The following CACNA1G variants were observed in gnomAD, a reference collection of about 807,000 sequenced individuals.
The protein encoded by CACNA1G is voltage-dependent T-type calcium channel subunit alpha-1G.
A neutral mutation model predicts 219.4 loss-of-function variants in CACNA1G; 67 were observed. That is an observed-to-expected ratio of 0.31 (90% CI 0.25 to 0.37). The LOEUF (loss-of-function observed/expected upper bound fraction) is 0.37. Among genes scored for constraint, CACNA1G ranks in the 10% least tolerant of loss-of-function variants. CACNA1G has a pLI of 1.00. For synonymous variants in CACNA1G, 1,296 were observed against 1,345.3 expected (o/e 0.96, Z 0.80); for missense variants, 2,380 against 3,231.4 (o/e 0.74, Z 6.39).
chr17:50,562,120 T>TGGTGGGGGGTGGGTGGGGGC (rs1261696216), intron 1 of CACNA1G: 1 of 5,256 alleles, frequency 1.9e-4, no homozygotes, highest in Non-Finnish European at 3.7e-4. Flanking sequence ...TTTCCGAGTT[T>TGGTGGGGGGTGGGTGGGGGC]GGTGGGGGGT....
At chr17:50,586,800 A>G (rs542645692) in intron 9 of CACNA1G, among the ~76,000 whole-genome samples, 1 of 152,332 alleles carries the variant, frequency 6.6e-6, no homozygotes, top group African/African-American at 2.4e-5. Context: ...GGGCTAGTTG[A>G]TGGAGCAGCT....
intron 4 of CACNA1G, among the ~76,000 whole-genome samples, chr17:50,570,072 A>G (rs2039018958): frequency 1.3e-5 from 2 of 152,144 alleles, no homozygotes; most frequent in Non-Finnish European, 2.9e-5. Flanking sequence ...CTTCAGCTAG[A>G]TGACCACTCC....
At chr17:50,611,210 C>T (rs1048890578) in intron 26 of CACNA1G, among the ~76,000 whole-genome samples, 38 of 148,694 alleles carry the variant, frequency 2.6e-4, no homozygotes, top group African/African-American at 7.5e-4. Flanking sequence ...GCCGAGATCA[C>T]GCCACTGCAC....
Position 50,626,065 on chromosome 17 carries a change from GA to G in CACNA1G, c.6450del (p.Asp2151ThrfsTer6). ...GGACGTTCAGGGTCTGGGCAGCCGG[GA>G]AGACCTGCTGGCAGAGGTGAGTGGG... ...SLDVQGLGSREDLLAEVSGPS... is the reference protein window; with the variant it reads ...SLDVQGLGSRXDLLAEVSGPS... On this transcript the variant is annotated frameshift_variant, in exon 38 of 38. Coordinates refer to ENST00000359106, the MANE Select transcript of CACNA1G (RefSeq NM_018896.5). LOFTEE classifies it high-confidence loss of function. The surrounding 1 kb of genome is among the most constrained non-coding windows in gnomAD (Gnocchi z 4.3). The G allele has an allele frequency of 1.2e-6, 2 of 1,613,480 alleles. No homozygotes were observed. The highest frequency in any genetic ancestry group is 1.7e-6 in the Non-Finnish European group (2 of 1,179,770).
At chr17:50,581,125 G>C (rs901818592) in intron 9 of CACNA1G, among the ~76,000 whole-genome samples, 1 of 151,756 alleles carries the variant, frequency 6.6e-6, no homozygotes, top group Admixed American at 6.6e-5. Flanking sequence ...GAAGAGAGAC[G>C]CGCAGGCAGG....
chr17:50,586,696 G>A (rs1252438803), intron 9 of CACNA1G, among the ~76,000 whole-genome samples: 3 of 152,226 alleles, frequency 2.0e-5, no homozygotes, highest in Non-Finnish European at 2.9e-5. Flanking sequence ...GATCTGAGAG[G>A]CAAAGGGAAT....
chr17:50,596,589 C>A lies in CACNA1G; in HGVS notation c.3007C>A (p.Pro1003Thr). ...GGDANKSESE[P>T]DFFSPSLDGD... ...AGATGCCAACAAGTCCGAATCAGAG[C>A]CCGATTTCTTCTCACCCAGCCTGGA... Residue 1003 changes from proline to threonine, a missense_variant, in exon 15 of 38, where the codon CCC becomes ACC. Physicochemically the swap from Pro to Thr is conservative, Grantham distance 38. Transcript: ENST00000359106. The surrounding 1 kb of genome is among the most constrained non-coding windows in gnomAD (Gnocchi z 4.8). 6.2e-7 allele frequency: 1 copy of A among 1,613,940 alleles called. No homozygotes were observed. The highest frequency in any genetic ancestry group is 1.1e-5 in the South Asian group (1 of 91,074).
rs2039563885 is a variant in CACNA1G at position 50,572,095 on chromosome 17, C to A, written c.746+58C>A. The stretch of plus-strand genomic sequence containing the variant: ...GGAGTGGTTATGGGGCTGGGCACCC[C>A]CCCAAGTTCCTCACTTCCGGTTGCT... On this transcript the variant is annotated intron_variant, in intron 5 of 37. Coordinates refer to ENST00000359106, the MANE Select transcript of CACNA1G (RefSeq NM_018896.5). The A allele has an allele frequency of 7.1e-6, 11 of 1,545,916 alleles. No individual in the cohort carries two copies. The East Asian group carries it at 2.3e-4, about 32-fold the overall frequency.
intron 9 of CACNA1G, among the ~76,000 whole-genome samples, chr17:50,580,433 C>T (rs536270978): frequency 3.4e-4 from 52 of 152,228 alleles, no homozygotes; most frequent in Middle Eastern, 6.8e-3. Flanking sequence ...CTCCCTACCC[C>T]GGGGGGAGCA....
chr17:50,565,560 C>T lies in CACNA1G; in HGVS notation c.243-3310C>T, dbSNP rs1287954519. ...CTCATTTACTAGAAGGCCAGGACTC[C>T]TGGGTCCAGGCCCATTTTCTCCTCA... is the stretch of plus-strand genomic sequence containing the variant. On this transcript the variant is annotated intron_variant, in intron 1 of 37. Coordinates refer to ENST00000359106, the MANE Select transcript of CACNA1G (RefSeq NM_018896.5). 1.6e-4 allele frequency among the ~76,000 whole-genome samples: 25 copies of T among 152,258 alleles called. No individual in the cohort carries two copies. In the East Asian group the frequency reaches 4.4e-3, roughly 27 times the overall value.
In CACNA1G at chr17:50,604,255, A is replaced by G. The variant is rs563141927; in HGVS notation, c.4270A>G (p.Ile1424Val). ...NIVVICCAFF[I>V]IFGILGVQLF... is the part of the protein sequence containing the mutation. ...TGTAGTCATCTGCTGTGCCTTCTTC[A>G]TCATTTTCGGCATCTTGGGGGTGCA... is the stretch of plus-strand genomic sequence containing the variant. Residue 1424 changes from isoleucine (I) to valine (V), a missense_variant, in exon 22 of 38, where the codon ATC (isoleucine) becomes GTC (valine). Around this residue, in one of 17 missense-constraint regions of CACNA1G, gnomAD observed 153 missense variants for 374.9 expected, o/e 0.41. Coordinates refer to ENST00000359106, the MANE Select transcript of CACNA1G (RefSeq NM_018896.5). 1.2e-6 allele frequency: 2 copies of G among 1,613,534 alleles called. No homozygotes were observed. The highest frequency in any genetic ancestry group is 2.2e-5 in the East Asian group (1 of 44,876).
chr17:50,565,629 G>A (rs895925826), intron 1 of CACNA1G, among the ~76,000 whole-genome samples: 1 of 152,098 alleles, frequency 6.6e-6, no homozygotes, highest in Non-Finnish European at 1.5e-5. Flanking sequence ...GTGGGAATGG[G>A]GCCGCTGGAG....
At chr17:50,587,929 T>C (rs2043319191) in intron 9 of CACNA1G, among the ~76,000 whole-genome samples, 2 of 152,102 alleles carry the variant, frequency 1.3e-5, no homozygotes, top group African/African-American at 2.4e-5. Context: ...GCCCCGTGGA[T>C]AACATCGGGG....
At chr17:50,565,993 C>G (rs1422315275) in intron 1 of CACNA1G, among the ~76,000 whole-genome samples, 2 of 152,158 alleles carry the variant, frequency 1.3e-5, no homozygotes, top group African/African-American at 4.8e-5. Flanking sequence ...AGACATGTGA[C>G]TGCACAGGTC....
At chr17:50,577,044 G>A (rs959061430) in intron 8 of CACNA1G, among the ~76,000 whole-genome samples, 1 of 152,312 alleles carries the variant, frequency 6.6e-6, no homozygotes, top group African/African-American at 2.4e-5. Flanking sequence ...GGCACGTGGG[G>A]AGCAGCGGGA....
intron 8 of CACNA1G, 51 bp downstream of exon 8, chr17:50,576,377 G>C (rs1316786898): frequency 6.6e-7 from 1 of 1,525,546 alleles, no homozygotes; most frequent in Non-Finnish European, 8.9e-7. Flanking sequence ...GGGACTGGGT[G>C]GCGTCCCAGA....
Position 50,621,523 on chromosome 17 carries a change from A to G in CACNA1G, c.5926-137A>G, listed in dbSNP as rs2052023578. On this transcript the variant is annotated intron_variant, in intron 34 of 37. Transcript: ENST00000359106. This position sits in a 1 kb window ranked among gnomAD's most constrained non-coding sequence, Gnocchi z 4.6. ...TTTGGGGAAAGGGTGGGGAGAGAGAAGGGATGCCTTTTTCCCGCCCCCCTG... is the reference window on the plus strand; with the variant it reads ...TTTGGGGAAAGGGTGGGGAGAGAGAGGGGATGCCTTTTTCCCGCCCCCCTG... The G allele has an allele frequency of 1.0e-5, 9 of 884,488 alleles. No homozygotes were observed. The East Asian group carries it at 2.4e-4, about 23-fold the overall frequency. 54.8% of individuals were successfully genotyped at this position (884,488 alleles called of 1,614,324 possible).
At chr17:50,597,750 C>A (rs1000695155) in intron 16 of CACNA1G, among the ~76,000 whole-genome samples, 1 of 152,236 alleles carries the variant, frequency 6.6e-6, no homozygotes, top group Non-Finnish European at 1.5e-5. Context: ...TCCTGTCCAA[C>A]TGAAACTTCG....
chr17:50,601,018 C>T (rs749287630), intron 18 of CACNA1G, 33 bp from the exon 19 acceptor site: 1 of 1,607,842 alleles, frequency 6.2e-7, no homozygotes, highest in South Asian at 1.1e-5. Context: ...GCCCTGCCTC[C>T]CCCTCTCAGC....
Sources: allele counts gnomAD v4.1 joint callset (sites outside exome capture counted in the v4.1 genomes callset), GRCh38; gene constraint gnomAD v4.1.1; regional missense constraint gnomAD v4.1.1; non-coding constraint Gnocchi (gnomAD v3.1); transcripts MANE v1.5; gene names NCBI Gene and HGNC (gene_info 2026-07-23, HGNC 2026-07-21).